The following THSD7B variants were observed in gnomAD, a reference collection of about 807,000 sequenced individuals.
The protein encoded by THSD7B is thrombospondin type 1 domain containing 7B.
In THSD7B, 138 loss-of-function variants were observed where a neutral mutation model predicts 213.6. The ratio of observed to expected loss-of-function variants is 0.65; its 90% CI spans 0.56 to 0.74. THSD7B has a LOEUF of 0.74. Ranked by LOEUF, THSD7B falls within the 30% of genes least tolerant of loss-of-function variation. The pLI is 0.00. For missense variants in THSD7B, 1,931 were observed against 1,991.5 expected (o/e 0.97, Z 0.58); for synonymous variants, 742 against 687.0 (o/e 1.08, Z -1.25).
intron 1 of THSD7B, among the ~76,000 whole-genome samples, chr2:136,791,326 A>T (rs1479079211): frequency 6.6e-6 from 1 of 152,030 alleles, no homozygotes; most frequent in Non-Finnish European, 1.5e-5. Context: ...TTTTAATGAC[A>T]TCAAAAAAAC....
At chr2:137,553,755 A>T (rs1327468268) in intron 15 of THSD7B, among the ~76,000 whole-genome samples, 2 of 152,076 alleles carry the variant, frequency 1.3e-5, no homozygotes, top group African/African-American at 4.8e-5. Flanking sequence ...CCCTTAGAAC[A>T]TTTTCATATG....
chr2:137,196,927 T>G (rs1226563639), intron 7 of THSD7B, among the ~76,000 whole-genome samples: 1 of 152,162 alleles, frequency 6.6e-6, no homozygotes, highest in South Asian at 2.1e-4. Flanking sequence ...ATAGGGCTAA[T>G]GCACAGCGGG....
At chr2:137,275,887 G>T in intron 11 of THSD7B, 36 bp from the exon 12 acceptor site, 1 of 1,516,826 alleles carries the variant, frequency 6.6e-7, no homozygotes, top group Admixed American at 1.8e-5. Context: ...GTTGATCACA[G>T]TAAAGTTTCT....
intron 17 of THSD7B, among the ~76,000 whole-genome samples, chr2:137,613,479 C>T (rs1443661183): frequency 6.6e-6 from 1 of 152,168 alleles, no homozygotes; most frequent in African/African-American, 2.4e-5. Context: ...GAAGATTGAA[C>T]TTTAAGGTAA....
rs185100822 is a variant in THSD7B at position 137,208,606 on chromosome 2, C to T, written c.1724-22438C>T. Among the ~76,000 whole-genome samples, 6 of 152,086 alleles carry T rather than the reference C, an allele frequency of 3.9e-5. No individual in the cohort carries two copies. In the East Asian group the frequency reaches 1.2e-3, roughly 30 times the overall value. ...GTCTGCCACAGGACTGGAGGTATCC[C>T]TCAAATCAGTCTCCTCAAAGGCTCA... On this transcript the variant is annotated intron_variant, in intron 7 of 27. Coordinates refer to ENST00000409968, the MANE Select transcript of THSD7B (RefSeq NM_001316349.2).
At chr2:137,227,583 C>G (rs935149023) in intron 7 of THSD7B, among the ~76,000 whole-genome samples, 4 of 152,110 alleles carry the variant, frequency 2.6e-5, no homozygotes, top group African/African-American at 9.7e-5. Flanking sequence ...AAATGTTCCT[C>G]TTCTGAGATG....
intron 6 of THSD7B, 111 bp from the exon 7 acceptor site, chr2:137,170,630 C>T: frequency 1.0e-6 from 1 of 976,474 alleles, no homozygotes; most frequent in Non-Finnish European, 1.5e-6. Flanking sequence ...ATAATACGTG[C>T]TTAGAGCGAT....
chr2:137,224,507 T>G (rs922052095), intron 7 of THSD7B, among the ~76,000 whole-genome samples: 1 of 152,200 alleles, frequency 6.6e-6, no homozygotes, highest in African/African-American at 2.4e-5. Flanking sequence ...TTAAATGAAT[T>G]AATATAGGTG....
chr2:137,655,701 CT>C, intron 22 of THSD7B, 41 bp downstream of exon 22: 1 of 1,578,642 alleles, frequency 6.3e-7, no homozygotes, highest in Non-Finnish European at 8.6e-7. Context: ...CCATGGTGAT[CT>C]TTTTGTTTAT....
At chr2:137,377,509 A>C (rs1685684143) in intron 12 of THSD7B, among the ~76,000 whole-genome samples, 1 of 152,180 alleles carries the variant, frequency 6.6e-6, no homozygotes, top group Non-Finnish European at 1.5e-5. Context: ...GGAAAGCTGC[A>C]TCTAATTGAC....
At chr2:136,854,186 A>G (rs1297361902) in intron 1 of THSD7B, among the ~76,000 whole-genome samples, 1 of 152,090 alleles carries the variant, frequency 6.6e-6, no homozygotes, top group Non-Finnish European at 1.5e-5. Flanking sequence ...CTGGGGGGGA[A>G]TAAAATACCA....
At chr2:137,473,848 C>T (rs1688142239) in intron 15 of THSD7B, among the ~76,000 whole-genome samples, 1 of 152,190 alleles carries the variant, frequency 6.6e-6, no homozygotes, top group Non-Finnish European at 1.5e-5. Context: ...AAGTGCTCCT[C>T]AGGCATTCTA....
intron 4 of THSD7B, among the ~76,000 whole-genome samples, chr2:137,108,992 A>G (rs1688300946): frequency 6.6e-6 from 1 of 152,222 alleles, no homozygotes; most frequent in South Asian, 2.1e-4. Context: ...GTCAAAAACA[A>G]ATTTGGAATC....
chr2:137,615,070 A>G (rs1196583628), intron 17 of THSD7B, among the ~76,000 whole-genome samples: 2 of 152,118 alleles, frequency 1.3e-5, no homozygotes, highest in African/African-American at 4.8e-5. Context: ...AACATGTTTA[A>G]TGGTATTTGT....
chr2:136,971,003 A>T lies in THSD7B; in HGVS notation c.140-85417A>T, dbSNP rs186779321. ...AGAATTTTTTCTGAGAAACTACTAA[A>T]TATGTTGCAACTAAACAGTGGAATA... On this transcript the variant is annotated intron_variant, in intron 2 of 27. Coordinates refer to ENST00000409968, the MANE Select transcript of THSD7B (RefSeq NM_001316349.2). Among the ~76,000 whole-genome samples, 270 of 152,348 alleles carry T rather than the reference A, an allele frequency of 1.8e-3. 6 individuals are homozygous for T. In the South Asian group the frequency reaches 0.024, roughly 14 times the overall value.
intron 2 of THSD7B, among the ~76,000 whole-genome samples, chr2:137,022,718 T>A (rs1291962746): frequency 6.6e-6 from 1 of 151,980 alleles, no homozygotes; most frequent in African/African-American, 2.4e-5. Flanking sequence ...CTGGTCTAGG[T>A]TGTAATTATC....
At chr2:137,112,083 GA>G (rs1688357356) in intron 4 of THSD7B, among the ~76,000 whole-genome samples, 1 of 152,128 alleles carries the variant, frequency 6.6e-6, no homozygotes, top group Admixed American at 6.5e-5. Flanking sequence ...TTCTAAAGGA[GA>G]AAGGGAGTAA....
intron 1 of THSD7B, among the ~76,000 whole-genome samples, chr2:136,845,259 G>A (rs993187932): frequency 2.6e-5 from 4 of 152,202 alleles, no homozygotes; most frequent in Non-Finnish European, 5.9e-5. Flanking sequence ...GCGGTAAAGG[G>A]AGGCTTCTGG....
intron 2 of THSD7B, among the ~76,000 whole-genome samples, chr2:136,931,675 G>C (rs1394564631): frequency 1.3e-5 from 2 of 152,090 alleles, no homozygotes; most frequent in Non-Finnish European, 2.9e-5. Flanking sequence ...GTCACGAAAA[G>C]TGTTTAGTCA....
Sources: gnomAD v4.1 joint callset for allele counts (sites outside exome capture counted in the v4.1 genomes callset) on GRCh38, gnomAD v4.1.1 for gene constraint, MANE v1.5 for transcripts, NCBI Gene and HGNC (gene_info 2026-07-23, HGNC 2026-07-21) for gene names.